The following ARHGAP6 variants were observed in gnomAD, a reference collection of about 807,000 sequenced individuals.
ARHGAP6 encodes the protein Rho GTPase activating protein 6.
ARHGAP6 carries 16 observed loss-of-function variants against 55.7 expected under a neutral mutation model. That is an observed-to-expected ratio of 0.29 (90% CI 0.19 to 0.44). The LOEUF is 0.44. Among genes scored for constraint, ARHGAP6 ranks in the 20% least tolerant of loss-of-function variants. ARHGAP6 has a pLI of 1.00. For synonymous variants in ARHGAP6, 382 were observed against 360.9 expected, an observed-to-expected ratio of 1.06 and a Z score of -0.66; for missense variants, 698 against 808.9, an observed-to-expected ratio of 0.86 and a Z score of 1.66.
chrX:11,398,144 T>C (rs745505316), intron 1 of ARHGAP6, among the ~76,000 whole-genome samples: 2 of 109,974 alleles, frequency 1.8e-5, no homozygotes, highest in Non-Finnish European at 3.8e-5. Context: ...AGGTTCCTTA[T>C]CTGTAAAATG....
intron 1 of ARHGAP6, among the ~76,000 whole-genome samples, chrX:11,466,309 C>G (rs1569355189): frequency 9.0e-6 from 1 of 110,933 alleles, no homozygotes; most frequent in East Asian, 2.8e-4. Context: ...TAAAATGACA[C>G]AAGTCTAAGC....
intron 1 of ARHGAP6, among the ~76,000 whole-genome samples, chrX:11,313,474 C>A (rs1046026749): frequency 3.6e-5 from 4 of 111,822 alleles, no homozygotes; most frequent in Non-Finnish European, 7.5e-5. Flanking sequence ...TTTGCTTGAA[C>A]TGCTTTCCTA....
At chrX:11,313,683 G>A (rs2048325097) in intron 1 of ARHGAP6, among the ~76,000 whole-genome samples, 1 of 112,334 alleles carries the variant, frequency 8.9e-6, no homozygotes, top group Non-Finnish European at 1.9e-5. Flanking sequence ...TCTATTGGCT[G>A]TCTCTCTTAC....
intron 1 of ARHGAP6, chrX:11,298,457 C>T (rs1428840938): frequency 5.1e-6 from 6 of 1,168,128 alleles, no homozygotes; most frequent in African/African-American, 1.8e-5. Flanking sequence ...ATAAAATATT[C>T]CTATAGCCAT....
At chrX:11,171,087 A>C (rs1282539063) in intron 8 of ARHGAP6, among the ~76,000 whole-genome samples, 2 of 111,588 alleles carry the variant, frequency 1.8e-5, no homozygotes, top group Non-Finnish European at 3.8e-5. Flanking sequence ...ATCACAGAGA[A>C]GGAGGAAGAA....
intron 1 of ARHGAP6, among the ~76,000 whole-genome samples, chrX:11,549,737 A>C (rs914679215): frequency 8.9e-6 from 1 of 112,720 alleles, no homozygotes; most frequent in African/African-American, 3.2e-5. Flanking sequence ...GTAGTCCATG[A>C]ACCAACATGA....
intron 1 of ARHGAP6, among the ~76,000 whole-genome samples, chrX:11,558,124 G>T (rs1223593917): frequency 8.9e-6 from 1 of 112,020 alleles, no homozygotes; most frequent in Non-Finnish European, 1.9e-5. Context: ...CTTGGGAAAT[G>T]ATGAAGCCTG....
intron 1 of ARHGAP6, among the ~76,000 whole-genome samples, chrX:11,412,793 G>A (rs921632953): frequency 8.9e-6 from 1 of 112,171 alleles, no homozygotes; most frequent in African/African-American, 3.2e-5. Flanking sequence ...TATTGTTCCC[G>A]AATTGTCTTT....
chrX:11,185,142 CTGTGTGTG>C (rs3990773), intron 5 of ARHGAP6, among the ~76,000 whole-genome samples: 2,264 of 95,870 alleles, frequency 0.024, 67 homozygotes, highest in African/African-American at 0.073. Flanking sequence ...TGGTGCATGA[CTGTGTGTG>C]TGTGTGTGTG....
At chrX:11,190,246 AT>A (rs1195205843) in intron 3 of ARHGAP6, among the ~76,000 whole-genome samples, 1 of 111,284 alleles carries the variant, frequency 9.0e-6, no homozygotes, top group Non-Finnish European at 1.9e-5. Flanking sequence ...AAACTTTAGT[AT>A]TTCGGGATTT....
chrX:11,489,620 AG>A (rs1253177469), intron 1 of ARHGAP6, among the ~76,000 whole-genome samples: 1 of 112,179 alleles, frequency 8.9e-6, no homozygotes, highest in Non-Finnish European at 1.9e-5. Context: ...TTTGGCTCAC[AG>A]GTCATAATTT....
intron 1 of ARHGAP6, among the ~76,000 whole-genome samples, chrX:11,398,898 T>G: frequency 8.9e-6 from 1 of 112,113 alleles, no homozygotes; most frequent in Non-Finnish European, 1.9e-5. Context: ...ACATTTTTGA[T>G]GCTTTGTCTC....
chrX:11,495,536 T>C (rs1235127683), intron 1 of ARHGAP6, among the ~76,000 whole-genome samples: 1 of 111,880 alleles, frequency 8.9e-6, no homozygotes, highest in East Asian at 2.8e-4. Context: ...GAGAGACATC[T>C]CTGAGCCAGG....
chrX:11,322,604 C>G (rs1023756659), intron 1 of ARHGAP6, among the ~76,000 whole-genome samples: 1 of 111,966 alleles, frequency 8.9e-6, no homozygotes, highest in Non-Finnish European at 1.9e-5. Context: ...AGGTGATCCA[C>G]CTGCCTTGGC....
In ARHGAP6 at chrX:11,298,516, A is replaced by G. The variant is rs1323660823; in HGVS notation, c.589-43809T>C. 7 of 1,210,475 alleles carry G rather than the reference A, an allele frequency of 5.8e-6. No homozygotes were observed. In the South Asian group the frequency reaches 1.2e-4, roughly 21 times the overall value. On this transcript the variant is annotated intron_variant, in intron 1 of 12. Coordinates refer to ENST00000337414, the MANE Select transcript of ARHGAP6 (RefSeq NM_013427.3). ...TTCTCTGGTTGGAGTCACCTGAGCC[A>G]ATGGTAAACCTGCCTCTCTGTTTCT...
chrX:11,190,731 C>T (rs1158211684), intron 3 of ARHGAP6, among the ~76,000 whole-genome samples: 1 of 111,041 alleles, frequency 9.0e-6, no homozygotes, highest in South Asian at 3.8e-4. Flanking sequence ...CAGGGATTTA[C>T]TATAAGATAG....
intron 1 of ARHGAP6, among the ~76,000 whole-genome samples, chrX:11,387,864 C>T (rs1857590265): frequency 9.0e-6 from 1 of 111,612 alleles, no homozygotes; most frequent in South Asian, 3.8e-4. Flanking sequence ...TCATCCATGT[C>T]CCTACAAAGG....
At chrX:11,198,907 T>A (rs1311538319) in intron 2 of ARHGAP6, among the ~76,000 whole-genome samples, 1 of 112,325 alleles carries the variant, frequency 8.9e-6, no homozygotes, top group Non-Finnish European at 1.9e-5. Context: ...TAGCCCCAGA[T>A]AATTACTAGT....
chrX:11,320,178 G>A (rs1025997129), intron 1 of ARHGAP6, among the ~76,000 whole-genome samples: 3 of 111,337 alleles, frequency 2.7e-5, no homozygotes, highest in African/African-American at 6.5e-5. Flanking sequence ...TGATTTAAGC[G>A]TTCTGTTAGC....
Sources: allele counts gnomAD v4.1 joint callset (sites outside exome capture counted in the v4.1 genomes callset), GRCh38; gene constraint gnomAD v4.1.1; transcripts MANE v1.5; gene names NCBI Gene and HGNC (gene_info 2026-07-23, HGNC 2026-07-21).